The following RABGAP1 variants were observed in gnomAD, a reference collection of about 807,000 sequenced individuals.
RABGAP1 encodes the protein rab GTPase-activating protein 1.
In RABGAP1, 23 loss-of-function variants were observed where a neutral mutation model predicts 137.6. That is an observed-to-expected ratio of 0.17 (90% CI 0.12 to 0.24). RABGAP1 has a LOEUF of 0.24. Ranked by LOEUF, RABGAP1 falls within the 10% of genes least tolerant of loss-of-function variation. The pLI, the probability that RABGAP1 is intolerant of heterozygous loss-of-function variation, is 1.00. For missense variants in RABGAP1, 906 were observed against 1,275.8 expected (o/e 0.71, Z 4.42); for synonymous variants, 451 against 450.7 (o/e 1.00, Z -0.01).
At chr9:123,073,433 T>C in intron 15 of RABGAP1, 119 bp from the exon 16 acceptor site, 2 of 1,320,326 alleles carry the variant, frequency 1.5e-6, no homozygotes, top group Non-Finnish European at 2.1e-6. Context: ...TGCATAGCAC[T>C]AAATTTTCTG....
chr9:123,038,528 A>T (rs904946914), intron 13 of RABGAP1, among the ~76,000 whole-genome samples: 2 of 152,010 alleles, frequency 1.3e-5, no homozygotes, highest in Non-Finnish European at 2.9e-5. Flanking sequence ...TTGGTATAGG[A>T]ATTGTTTTAA....
Position 122,990,074 on chromosome 9 carries a change from A to C in RABGAP1, c.784A>C (p.Ser262Arg). Residue 262 changes from serine to arginine, a missense_variant, in exon 6 of 26, where the codon AGT becomes CGT. Around this residue, in one of 9 missense-constraint regions of RABGAP1, gnomAD observed 331 missense variants for 358.3 expected, o/e 0.92. Transcript: ENST00000373647. Reference protein sequence around the residue: ...IQEAVSRILYSFATAFRRSAK... With the variant: ...IQEAVSRILYRFATAFRRSAK... ...GTTGTAGGTAAGCCGGATACTTTACAGTTTTGCCACTGCCTTCCGCCGTTC... is the reference window on the plus strand; with the variant it reads ...GTTGTAGGTAAGCCGGATACTTTACCGTTTTGCCACTGCCTTCCGCCGTTC... 6.2e-7 allele frequency: 1 copy of C among 1,608,482 alleles called. No homozygotes were observed. Among genetic ancestry groups the C allele is most frequent in the Non-Finnish European group, 8.5e-7 (1 of 1,175,500 alleles).
intron 10 of RABGAP1, among the ~76,000 whole-genome samples, chr9:123,003,686 T>G (rs1334256845): frequency 6.6e-6 from 1 of 152,198 alleles, no homozygotes; most frequent in Non-Finnish European, 1.5e-5. Flanking sequence ...TGTGAGACTG[T>G]TATATTAAGA....
chr9:123,019,356 G>A (rs965297899), intron 12 of RABGAP1, among the ~76,000 whole-genome samples: 2 of 151,902 alleles, frequency 1.3e-5, no homozygotes, highest in Non-Finnish European at 2.9e-5. Context: ...GACAAAGTCT[G>A]TCTCTGTCAC....
chr9:122,959,213 G>A (rs1834711775), intron 2 of RABGAP1, among the ~76,000 whole-genome samples: 1 of 152,082 alleles, frequency 6.6e-6, no homozygotes, highest in East Asian at 1.9e-4. Context: ...AGTTAGAGCA[G>A]CAAATAGACC....
At chr9:123,016,024 T>C (rs1159525122) in intron 12 of RABGAP1, among the ~76,000 whole-genome samples, 1 of 152,156 alleles carries the variant, frequency 6.6e-6, no homozygotes, top group Non-Finnish European at 1.5e-5. Flanking sequence ...TTTTCCCTTA[T>C]CTGTGATAAG....
intron 21 of RABGAP1, among the ~76,000 whole-genome samples, chr9:123,092,949 A>C (rs2035073387): frequency 6.6e-6 from 1 of 152,054 alleles, no homozygotes. Context: ...CAGTCATCTA[A>C]AATGCTGCAG....
intron 13 of RABGAP1, among the ~76,000 whole-genome samples, chr9:123,043,823 G>A (rs1044231049): frequency 2.0e-5 from 3 of 152,096 alleles, no homozygotes; most frequent in Non-Finnish European, 4.4e-5. Context: ...CTAAGGAATA[G>A]GGTATGAAGA....
intron 12 of RABGAP1, among the ~76,000 whole-genome samples, chr9:123,019,964 G>A (rs923399583): frequency 6.6e-6 from 1 of 151,802 alleles, no homozygotes. Flanking sequence ...GATTACAGGC[G>A]TGAGCCACCG....
intron 13 of RABGAP1, among the ~76,000 whole-genome samples, chr9:123,053,888 T>C (rs2033590278): frequency 6.6e-6 from 1 of 152,206 alleles, no homozygotes. Context: ...AACTTGAGTT[T>C]ACAAAAGGAT....
At chr9:122,931,728 C>A in the RABGAP1 span, among the ~76,000 whole-genome samples, 3 of 152,212 alleles carry the variant, frequency 2.0e-5, no homozygotes, top group Non-Finnish European at 4.4e-5. Context: ...CCCCGAGGTG[C>A]CTTAGCTCGT....
intron 13 of RABGAP1, among the ~76,000 whole-genome samples, chr9:123,026,243 G>T (rs2031961870): frequency 6.6e-6 from 1 of 152,118 alleles, no homozygotes; most frequent in Non-Finnish European, 1.5e-5. Flanking sequence ...AGAATCGCTT[G>T]AACCCCGGAG....
Position 122,941,109 on chromosome 9 carries a change from C to CCCT in RABGAP1, c.-50+28_-50+30dup, listed in dbSNP as rs1347295732. The CCCT allele has an allele frequency of 2.6e-5, 4 of 152,302 alleles. No individual in the cohort carries two copies. Among genetic ancestry groups the CCCT allele is most frequent in the South Asian group, 2.1e-4 (1 of 4,846 alleles). The allele number at this position is 152,302 out of a possible 1,614,324, so 9.4% of individuals were successfully genotyped here. A position where few individuals can be genotyped will look rare whatever the true frequency, so the allele number is the denominator to read the frequency against. ...GGCAGGTCGGGTAGGGCCGTGTTTC[C>CCCT]CCTCCTCCTCCTCCCACCCTCCTAC... is the stretch of plus-strand genomic sequence containing the variant. On this transcript the variant is annotated intron_variant, in intron 1 of 25. Coordinates refer to ENST00000373647, the MANE Select transcript of RABGAP1 (RefSeq NM_012197.4).
At chr9:122,995,360 AAAG>A (rs1192070833) in intron 6 of RABGAP1, among the ~76,000 whole-genome samples, 3 of 152,178 alleles carry the variant, frequency 2.0e-5, no homozygotes, top group Non-Finnish European at 4.4e-5. Flanking sequence ...ATGTTTAAGC[AAAG>A]AAGGTGATAA....
intron 20 of RABGAP1, 49 bp downstream of exon 20, chr9:123,089,899 C>G: frequency 1.4e-6 from 2 of 1,461,378 alleles, no homozygotes; most frequent in Non-Finnish European, 1.9e-6. Context: ...GCTTTCATTT[C>G]ATATGATTGC....
rs74891982 is a variant in RABGAP1 at position 123,007,669 on chromosome 9, A to G, written c.1375-2685A>G. ...CCACCTTAGTCTCCCAAAATGCGCA[A>G]CCTCCCAAAGTATTGGGATTACAGG... On this transcript the variant is annotated intron_variant, in intron 10 of 25. Transcript: ENST00000373647. 3.1e-3 allele frequency among the ~76,000 whole-genome samples: 457 copies of G among 147,274 alleles called. 2 individuals carry two copies. The highest frequency in any genetic ancestry group is 0.011 in the African/African-American group (428 of 40,176).
intron 1 of RABGAP1, among the ~76,000 whole-genome samples, chr9:122,948,954 A>G (rs1262817251): frequency 1.3e-5 from 2 of 152,240 alleles, no homozygotes; most frequent in African/African-American, 4.8e-5. Context: ...CGAGTAAAAC[A>G]TAAGACCCCT....
chr9:122,945,163 T>TTTTTTTTTTTTTTTTG (rs1833881317), intron 1 of RABGAP1, among the ~76,000 whole-genome samples: 1 of 144,214 alleles, frequency 6.9e-6, no homozygotes, highest in African/African-American at 2.6e-5. Flanking sequence ...TTTTTTTTTT[T>TTTTTTTTTTTTTTTTG]AGCATAAACT....
At chr9:123,089,978 A>C in intron 20 of RABGAP1, 128 bp downstream of exon 20, 2 of 868,272 alleles carry the variant, frequency 2.3e-6, no homozygotes, top group Non-Finnish European at 3.5e-6. Flanking sequence ...TTGAGTTTGC[A>C]AATTAGCAAG....
Sources: gnomAD v4.1 joint callset for allele counts (sites outside exome capture counted in the v4.1 genomes callset) on GRCh38, gnomAD v4.1.1 for gene constraint, gnomAD v4.1.1 regional missense constraint, MANE v1.5 for transcripts, NCBI Gene and HGNC (gene_info 2026-07-23, HGNC 2026-07-21) for gene names.